Variants in TRMT9B observed in about 807,000 individuals in gnomAD.
TRMT9B encodes probable tRNA methyltransferase 9B.
TRMT9B carries 16 observed loss-of-function variants against 11.5 expected under a neutral mutation model. The observed-to-expected ratio is 1.39, with a 90% CI of 0.94 to 2.11. TRMT9B has a LOEUF of 2.11. Among genes scored for constraint, TRMT9B ranks in the 30% most tolerant of loss-of-function variants. The probability of loss-of-function intolerance (pLI) is 0.00; values close to 1 mark genes in which losing one functional copy is unlikely to be tolerated. For missense variants in TRMT9B, 941 were observed against 553.8 expected (o/e 1.70, Z -7.02); for synonymous variants, 274 against 192.4 (o/e 1.42, Z -3.51).
chr8:12,983,717 C>T (rs1050723404), intron 1 of TRMT9B, among the ~76,000 whole-genome samples: 4 of 152,082 alleles, frequency 2.6e-5, no homozygotes, highest in Non-Finnish European at 5.9e-5. Flanking sequence ...TCTCCTCATC[C>T]CTAGAGGCCC....
chr8:13,018,196 G>T (rs1239620430), intron 4 of TRMT9B, among the ~76,000 whole-genome samples: 1 of 150,988 alleles, frequency 6.6e-6, no homozygotes, highest in African/African-American at 2.4e-5. Context: ...GAGCCCAGGA[G>T]TTCGATACCA....
chr8:12,990,041 C>A (rs1474137), intron 1 of TRMT9B, among the ~76,000 whole-genome samples: 2 of 152,038 alleles, frequency 1.3e-5, no homozygotes, highest in South Asian at 2.1e-4. Context: ...GGAAGGCACA[C>A]GCATCTCTGA....
At chr8:13,009,182 T>C (rs1034555955) in intron 3 of TRMT9B, among the ~76,000 whole-genome samples, 5 of 152,112 alleles carry the variant, frequency 3.3e-5, no homozygotes, top group Admixed American at 6.6e-5. Context: ...ATCTCACTTA[T>C]ACATGGGATC....
At position 13,029,494 on chromosome 8, in the gene TRMT9B, TTTAAG is replaced by T. The variant is rs1465632753; in HGVS notation, c.*7457_*7461del. The T allele has an allele frequency of 5.4e-5, 9 of 167,130 alleles. No homozygotes were observed. In the East Asian group the frequency reaches 5.8e-4, roughly 11 times the overall value. 10.4% of individuals were successfully genotyped at this position (167,130 alleles called of 1,614,324 possible). On this transcript the variant is annotated 3_prime_UTR_variant, in exon 5 of 5. Coordinates refer to ENST00000524591, the MANE Select transcript of TRMT9B (RefSeq NM_020844.3). ...TGTGTTTATGATATGTATTCAATTA[TTTAAG>T]TTAAGTATCAGTGTATTTTTAAAAA...
chr8:13,004,329 C>T (rs1473037139), intron 2 of TRMT9B, among the ~76,000 whole-genome samples: 1 of 151,856 alleles, frequency 6.6e-6, no homozygotes, highest in Non-Finnish European at 1.5e-5. Context: ...ACTGAGACAC[C>T]AGCTAGGGCT....
At position 13,021,483 on chromosome 8, in the gene TRMT9B, AAG is replaced by A; in HGVS notation, c.806_807del (p.Arg269ThrfsTer11). 1 of 1,613,890 alleles carries A rather than the reference AAG, an allele frequency of 6.2e-7. No homozygotes were observed. The highest frequency in any genetic ancestry group is 8.5e-7 in the Non-Finnish European group (1 of 1,179,790). ...STLRKQIERV[R>X]PLKNTEVWAS... ...CTCTGAGGAAGCAAATTGAAAGAGTAAGACCCTTGAAAAACACAGAAGTTTGG... is the reference window on the plus strand; with the variant it reads ...CTCTGAGGAAGCAAATTGAAAGAGTAACCCTTGAAAAACACAGAAGTTTGG... On this transcript the variant is annotated frameshift_variant, in exon 5 of 5. Coordinates refer to ENST00000524591, the MANE Select transcript of TRMT9B (RefSeq NM_020844.3). LOFTEE classifies it low-confidence loss of function (END_TRUNC).
intron 1 of TRMT9B, among the ~76,000 whole-genome samples, chr8:12,951,054 G>T (rs544238060): frequency 6.6e-6 from 1 of 152,174 alleles, no homozygotes. Flanking sequence ...TTACGTTAGG[G>T]ACCTGGAAGA....
chr8:13,016,106 G>GAT (rs147106628), intron 4 of TRMT9B, among the ~76,000 whole-genome samples: 8,942 of 141,236 alleles, frequency 0.063, 401 homozygotes, highest in African/African-American at 0.12. Context: ...ATATATATAT[G>GAT]ATATATATAT....
At chr8:12,969,915 C>G (rs928714748) in intron 1 of TRMT9B, 1 of 150,990 alleles carries the variant, frequency 6.6e-6, no homozygotes, top group Non-Finnish European at 1.5e-5. Context: ...TCAAACTGAC[C>G]TCAAGCCATC....
intron 1 of TRMT9B, among the ~76,000 whole-genome samples, chr8:12,948,232 A>T (rs1441802426): frequency 3.9e-5 from 6 of 152,060 alleles, no homozygotes; most frequent in South Asian, 2.1e-4. Flanking sequence ...GACAAAGCCT[A>T]TTTTATAATA....
At chr8:13,016,820 G>A (rs981131084) in intron 4 of TRMT9B, among the ~76,000 whole-genome samples, 4 of 149,292 alleles carry the variant, frequency 2.7e-5, no homozygotes, top group East Asian at 2.0e-4. Flanking sequence ...AACTGGATAT[G>A]TTTATGTATG....
At chr8:13,011,670 C>G in intron 3 of TRMT9B, 1 of 980,148 alleles carries the variant, frequency 1.0e-6, no homozygotes, top group Non-Finnish European at 1.2e-6. Context: ...CCTCAATGAT[C>G]TAAATATTTG....
At chr8:12,952,589 C>T in intron 1 of TRMT9B, 2 of 627,266 alleles carry the variant, frequency 3.2e-6, no homozygotes, top group Non-Finnish European at 4.0e-6. Flanking sequence ...TGTATCTTTC[C>T]CTGGGGAACT....
At chr8:12,983,374 A>G (rs1805728529) in intron 1 of TRMT9B, among the ~76,000 whole-genome samples, 1 of 152,122 alleles carries the variant, frequency 6.6e-6, no homozygotes, top group Admixed American at 6.5e-5. Context: ...ATATTTTTTA[A>G]AAGCCATCTA....
intron 1 of TRMT9B, among the ~76,000 whole-genome samples, chr8:12,972,993 C>G (rs902640738): frequency 2.6e-5 from 4 of 152,188 alleles, no homozygotes; most frequent in African/African-American, 9.7e-5. Context: ...CCCTTTTACC[C>G]TGACTCCCCA....
intron 2 of TRMT9B, among the ~76,000 whole-genome samples, chr8:13,003,167 G>T (rs1257400001): frequency 6.6e-6 from 1 of 152,142 alleles, no homozygotes; most frequent in Non-Finnish European, 1.5e-5. Flanking sequence ...AACAATTACA[G>T]GACTATGTGA....
At chr8:13,020,924 C>A in intron 4 of TRMT9B, 84 bp from the exon 5 acceptor site, 2 of 886,096 alleles carry the variant, frequency 2.3e-6, no homozygotes, top group Non-Finnish European at 3.3e-6. Context: ...AAATTTCATC[C>A]TTGTTATATG....
chr8:12,952,346 T>C (rs549636242), intron 1 of TRMT9B: 6 of 326,204 alleles, frequency 1.8e-5, no homozygotes, highest in East Asian at 1.1e-4. Context: ...CGCGCCCGGG[T>C]CTGGCCGCCT....
Position 13,012,896 on chromosome 8 carries a change from G to T in TRMT9B, c.328+39G>T, listed in dbSNP as rs113109749. ...ATCACACATTCACCCTTTGCCATGA[G>T]AATAATTGACCCGGTTTAGTCCGTT... On this transcript the variant is annotated intron_variant, in intron 4 of 4. Coordinates refer to ENST00000524591, the MANE Select transcript of TRMT9B (RefSeq NM_020844.3). 5 of 1,604,104 alleles carry T rather than the reference G, an allele frequency of 3.1e-6. No homozygotes were observed. The East Asian group carries it at 8.9e-5, about 29-fold the overall frequency.
Sources: allele counts gnomAD v4.1 joint callset (sites outside exome capture counted in the v4.1 genomes callset), GRCh38; gene constraint gnomAD v4.1.1; transcripts MANE v1.5; gene names NCBI Gene and HGNC (gene_info 2026-07-23, HGNC 2026-07-21).